The following CCDC43 variants were observed in gnomAD, a reference collection of about 807,000 sequenced individuals.
The protein encoded by CCDC43 is coiled-coil domain-containing protein 43.
Under a neutral mutation model 33.3 loss-of-function variants are expected in CCDC43, and 20 were observed. The ratio of observed to expected loss-of-function variants is 0.60; its 90% CI spans 0.42 to 0.87. The LOEUF (loss-of-function observed/expected upper bound fraction) is 0.87, where lower values mean the gene tolerates loss of function less well. CCDC43 is among the 40% of genes least tolerant of loss of function. CCDC43 has a pLI of 0.00. For missense variants in CCDC43, 248 were observed against 269.9 expected, an observed-to-expected ratio of 0.92 and a Z score of 0.57; for synonymous variants, 104 against 106.5, an observed-to-expected ratio of 0.98 and a Z score of 0.14.
chr17:44,682,661 T>TC lies in CCDC43; in HGVS notation c.293-524dup, dbSNP rs200597969. On this transcript the variant is annotated intron_variant, in intron 2 of 4. Transcript: ENST00000315286. ...TCATGAGGTCAGGAGATCGAGACCA[T>TC]CCCGGCTAACACAGTGAAACCCCGT... 8.0e-3 allele frequency among the ~76,000 whole-genome samples: 1,219 copies of TC among 152,046 alleles called. 15 individuals carry two copies. Among genetic ancestry groups the TC allele is most frequent in the African/African-American group, 0.028 (1,153 of 41,514 alleles).
rs757211281 is a variant in CCDC43, at chr17:44,681,983, C to T, written c.428+20G>A. 21 of 1,613,458 alleles carry T rather than the reference C, an allele frequency of 1.3e-5. No homozygotes were observed. The highest frequency in any genetic ancestry group is 2.2e-5 in the South Asian group (2 of 91,032). ...TGGCTTGAGCTTTAGGGAATGGTGC[C>T]GAGACTCCAGAAAGGATATTCCTCT... On this transcript the variant is annotated intron_variant, in intron 3 of 4. Coordinates refer to ENST00000315286, the MANE Select transcript of CCDC43 (RefSeq NM_144609.3).
intron 2 of CCDC43, among the ~76,000 whole-genome samples, chr17:44,682,412 AAG>A (rs1491273644): frequency 3.3e-5 from 5 of 150,580 alleles, no homozygotes; most frequent in African/African-American, 1.2e-4. Context: ...AAAAAAAAAA[AAG>A]GTTGAAAAGC....
At position 44,678,991 on chromosome 17, in the gene CCDC43, C is replaced by T; in HGVS notation, c.540G>A (p.Glu180=). ...VEDVLNARKL[E]RDSLRDESQR... is the part of the protein sequence containing the mutation. ...GGGATTCATCCCGAAGTGAGTCTCG[C>T]TCCAGTTTTCGGGCATTAAGGACAT... The change falls in exon 5 of 5, where the codon GAG becomes GAA. Residue 180 remains glutamate (E), a synonymous_variant. Coordinates refer to ENST00000315286, the MANE Select transcript of CCDC43 (RefSeq NM_144609.3). The T allele has an allele frequency of 6.2e-7, 1 of 1,613,826 alleles. No individual in the cohort carries two copies. Among genetic ancestry groups the T allele is most frequent in the Non-Finnish European group, 8.5e-7 (1 of 1,179,860 alleles).
chr17:44,686,413 A>G (rs547286437), intron 1 of CCDC43, among the ~76,000 whole-genome samples: 1 of 152,376 alleles, frequency 6.6e-6, no homozygotes, highest in South Asian at 2.1e-4. Context: ...CAGCAAGAAA[A>G]GCAAAGAAAC....
intron 1 of CCDC43, among the ~76,000 whole-genome samples, chr17:44,684,948 T>C (rs907157768): frequency 2.0e-5 from 3 of 151,896 alleles, no homozygotes; most frequent in Admixed American, 6.6e-5. Flanking sequence ...ACCTGGCTAA[T>C]TGAGTTTGTT....
At chr17:44,687,456 TA>T (rs35696680) in intron 1 of CCDC43, among the ~76,000 whole-genome samples, 93 of 148,812 alleles carry the variant, frequency 6.2e-4, no homozygotes, top group African/African-American at 2.1e-3. Context: ...ACATAAAACA[TA>T]AAAAAAAAAG....
intron 3 of CCDC43, 149 bp from the exon 4 acceptor site, chr17:44,680,792 G>C (rs953605439): frequency 1.7e-6 from 1 of 598,274 alleles, no homozygotes. Flanking sequence ...ATTCATCTTT[G>C]GAAACCTCAA....
At chr17:44,688,916 C>T (rs931231590) in intron 1 of CCDC43, 2 of 152,486 alleles carry the variant, frequency 1.3e-5, no homozygotes, top group South Asian at 4.1e-4. Context: ...AGGCTAAGGA[C>T]TAAGTTTCTC....
intron 4 of CCDC43, among the ~76,000 whole-genome samples, chr17:44,679,965 G>T (rs1972133274): frequency 6.6e-6 from 1 of 151,886 alleles, no homozygotes; most frequent in East Asian, 1.9e-4. Context: ...AGGAAAAAGA[G>T]AAAATTTCAA....
intron 1 of CCDC43, among the ~76,000 whole-genome samples, chr17:44,685,592 C>T (rs1972222066): frequency 1.3e-5 from 2 of 152,190 alleles, no homozygotes; most frequent in African/African-American, 4.8e-5. Flanking sequence ...TAAATGCCTA[C>T]CCTACTTGTC....
intron 1 of CCDC43, among the ~76,000 whole-genome samples, chr17:44,685,386 CA>C (rs1241173197): frequency 6.6e-6 from 1 of 152,144 alleles, no homozygotes; most frequent in African/African-American, 2.4e-5. Flanking sequence ...CTTGTCCAAC[CA>C]TCCCGCTGTC....
chr17:44,679,151 T>A (rs776286443), intron 4 of CCDC43, 108 bp from the exon 5 acceptor site: 25 of 747,892 alleles, frequency 3.3e-5, no homozygotes, highest in Non-Finnish European at 4.9e-5. Context: ...TGAATCGTCT[T>A]TATCTATTCC....
rs932993099 is a variant in CCDC43 at position 44,689,683 on chromosome 17, G to A, written c.71C>T (p.Ser24Phe). Residue 24 changes from serine to phenylalanine, a missense_variant, in exon 1 of 5, where the codon TCC (serine) becomes TTC (phenylalanine). Physicochemically the swap from Ser to Phe is radical, Grantham distance 155 (BLOSUM62 -2). Coordinates refer to ENST00000315286, the MANE Select transcript of CCDC43 (RefSeq NM_144609.3). ...EGDGGGGGFG[S>F]WLDGRLEALG... ...TGCCTCCAACCGTCCGTCCAGCCAG[G>A]AGCCAAAGCCGCCGCCTCCGCCATC... 32 of 1,610,686 alleles carry A rather than the reference G, an allele frequency of 2.0e-5. No individual in the cohort carries two copies. The Admixed American group carries it at 5.1e-4, about 25-fold the overall frequency.
chr17:44,682,648 G>C lies in CCDC43; in HGVS notation c.293-510C>G, dbSNP rs36030988. On this transcript the variant is annotated intron_variant, in intron 2 of 4. Transcript: ENST00000315286. The stretch of plus-strand genomic sequence containing the variant: ...CAAGGCAGGTGGATCATGAGGTCAG[G>C]AGATCGAGACCATCCCGGCTAACAC... 4.5e-3 allele frequency among the ~76,000 whole-genome samples: 686 copies of C among 152,174 alleles called. 3 individuals are homozygous for C. Among genetic ancestry groups the C allele is most frequent in the African/African-American group, 0.015 (641 of 41,486 alleles).
At position 44,678,921 on chromosome 17, in the gene CCDC43, G is replaced by A; in HGVS notation, c.610C>T (p.Leu204=). The change falls in exon 5 of 5, where the codon CTA becomes TTA. Residue 204 remains leucine, a synonymous_variant. Transcript: ENST00000315286. ...QDKLQRERDK[L]AKQERKEKEK... The stretch of plus-strand genomic sequence containing the variant: ...TTTTCCTTGCGCTCCTGCTTGGCTA[G>A]TTTGTCTCTCTCCCTCTGCAGCTTG... The A allele has an allele frequency of 1.2e-6, 2 of 1,613,566 alleles. No homozygotes were observed. The highest frequency in any genetic ancestry group is 1.7e-6 in the Non-Finnish European group (2 of 1,179,798).
At position 44,678,993 on chromosome 17, in the gene CCDC43, C is replaced by T. The variant is rs756406516; in HGVS notation, c.538G>A (p.Glu180Lys). The T allele has an allele frequency of 2.5e-6, 4 of 1,613,752 alleles. No homozygotes were observed. The highest frequency in any genetic ancestry group is 3.4e-6 in the Non-Finnish European group (4 of 1,179,872). The change falls in exon 5 of 5, where the codon GAG becomes AAG. Residue 180 changes from glutamate (E) to lysine (K), a missense_variant. Coordinates refer to ENST00000315286, the MANE Select transcript of CCDC43 (RefSeq NM_144609.3). ...VEDVLNARKLERDSLRDESQR... is the reference protein window; with the variant it reads ...VEDVLNARKLKRDSLRDESQR... The stretch of plus-strand genomic sequence containing the variant: ...GATTCATCCCGAAGTGAGTCTCGCT[C>T]CAGTTTTCGGGCATTAAGGACATCT...
intron 1 of CCDC43, among the ~76,000 whole-genome samples, chr17:44,684,413 T>G (rs1200958385): frequency 6.6e-6 from 1 of 152,124 alleles, no homozygotes; most frequent in African/African-American, 2.4e-5. Context: ...TGAAAACATT[T>G]AAGGCTGGGT....
At chr17:44,685,061 C>T (rs967003484) in intron 1 of CCDC43, among the ~76,000 whole-genome samples, 1 of 152,238 alleles carries the variant, frequency 6.6e-6, no homozygotes, top group Non-Finnish European at 1.5e-5. Context: ...GTTGGGATTA[C>T]AGGCCTGGGC....
intron 4 of CCDC43, 140 bp downstream of exon 4, chr17:44,680,445 T>C (rs1972142104): frequency 1.6e-6 from 1 of 635,688 alleles, no homozygotes; most frequent in African/African-American, 1.8e-5. Context: ...TCTAGGGCTG[T>C]CCTAGGAATA....
Sources: gnomAD v4.1 joint callset for allele counts (sites outside exome capture counted in the v4.1 genomes callset) on GRCh38, gnomAD v4.1.1 for gene constraint, MANE v1.5 for transcripts, NCBI Gene and HGNC (gene_info 2026-07-23, HGNC 2026-07-21) for gene names.